Variants in HDAC9 observed in about 807,000 individuals in gnomAD.
HDAC9 encodes MEF-2 interacting transcription repressor (MITR) protein.
HDAC9 carries 41 observed loss-of-function variants against 139.4 expected under a neutral mutation model. The observed-to-expected ratio is 0.29, with a 90% CI of 0.23 to 0.38. HDAC9 has a LOEUF of 0.38. HDAC9 is among the 10% of genes least tolerant of loss of function. The pLI is 1.00. For synonymous variants in HDAC9, 517 were observed against 476.2 expected (o/e 1.09, Z -1.12); for missense variants, 1,147 against 1,297.0 (o/e 0.88, Z 1.78).
chr7:18,905,193 G>A (rs1802118590), intron 22 of HDAC9, among the ~76,000 whole-genome samples: 3 of 152,058 alleles, frequency 2.0e-5, no homozygotes, highest in Admixed American at 1.3e-4. Flanking sequence ...GCCCGGCCCA[G>A]CCTCCCCATT....
rs533733985 is a variant in HDAC9, at chr7:18,696,617, G to A, written c.1731+30141G>A. The stretch of plus-strand genomic sequence containing the variant: ...CGAGTAGCTGGGACTACAGATGCAC[G>A]TCACCACGCCCAGCTAATTGTTTTG... On this transcript the variant is annotated intron_variant, in intron 12 of 25. Transcript: ENST00000686413. Among the ~76,000 whole-genome samples, 27 of 151,870 alleles carry A rather than the reference G, an allele frequency of 1.8e-4. No homozygotes were observed. The South Asian group carries it at 4.8e-3, about 27-fold the overall frequency.
At position 18,762,059 on chromosome 7, in the gene HDAC9, T is replaced by C. The variant is rs1789437855; in HGVS notation, c.2044-98T>C. ...AGTGTCACATTCCTACATGATGAAA[T>C]TCAGCCCATTATTAATCATCTTAAA... is the stretch of plus-strand genomic sequence containing the variant. On this transcript the variant is annotated intron_variant, in intron 14 of 25. Coordinates refer to ENST00000686413, the MANE Select transcript of HDAC9 (RefSeq NM_178425.4). 6 of 1,278,112 alleles carry C rather than the reference T, an allele frequency of 4.7e-6. No homozygotes were observed. The South Asian group carries it at 7.7e-5, about 16-fold the overall frequency. 79.2% of individuals were successfully genotyped at this position (1,278,112 alleles called of 1,614,324 possible).
intron 15 of HDAC9, among the ~76,000 whole-genome samples, chr7:18,763,641 G>C (rs186948265): frequency 2.6e-5 from 4 of 152,044 alleles, no homozygotes; most frequent in Non-Finnish European, 5.9e-5. Context: ...TATAATAAAT[G>C]TTCTTATTTT....
chr7:18,802,969 A>G (rs1224391875), intron 17 of HDAC9, among the ~76,000 whole-genome samples: 1 of 151,810 alleles, frequency 6.6e-6, no homozygotes, highest in Non-Finnish European at 1.5e-5. Context: ...CAATTCACTT[A>G]TATGTGTTAT....
chr7:18,330,863 C>A (rs1184123343), intron 1 of HDAC9, among the ~76,000 whole-genome samples: 4 of 151,656 alleles, frequency 2.6e-5, no homozygotes, highest in Non-Finnish European at 4.4e-5. Flanking sequence ...GAAGAATAAT[C>A]TGAAACAAAT....
chr7:18,246,513 C>G (rs1246345030), intron 2 of HDAC9, among the ~76,000 whole-genome samples: 4 of 152,092 alleles, frequency 2.6e-5, no homozygotes, highest in Non-Finnish European at 4.4e-5. Flanking sequence ...GTCACCCCCC[C>G]ATTCCCACCT....
chr7:18,753,466 T>C (rs1368516626), intron 14 of HDAC9, among the ~76,000 whole-genome samples: 1 of 152,050 alleles, frequency 6.6e-6, no homozygotes, highest in Non-Finnish European at 1.5e-5. Flanking sequence ...TTTATTGGGG[T>C]TACTATTTGA....
At chr7:18,943,073 A>G (rs1198778983) in intron 23 of HDAC9, among the ~76,000 whole-genome samples, 1 of 152,110 alleles carries the variant, frequency 6.6e-6, no homozygotes, top group African/African-American at 2.4e-5. Context: ...TGACTGTCAA[A>G]TTTAAACTTA....
At chr7:18,928,193 C>T (rs1401386338) in intron 22 of HDAC9, among the ~76,000 whole-genome samples, 1 of 152,162 alleles carries the variant, frequency 6.6e-6, no homozygotes, top group Non-Finnish European at 1.5e-5. Flanking sequence ...AGCATTAACT[C>T]AGTTTTGGCC....
intron 1 of HDAC9, among the ~76,000 whole-genome samples, chr7:18,340,022 G>GT (rs1437873683): frequency 1.3e-5 from 2 of 151,342 alleles, no homozygotes; most frequent in African/African-American, 4.8e-5. Context: ...GGATTTGTCT[G>GT]TTTTTCCTTG....
At chr7:18,990,931 T>C (rs535399920) in intron 25 of HDAC9, among the ~76,000 whole-genome samples, 72 of 152,340 alleles carry the variant, frequency 4.7e-4, no homozygotes, top group Admixed American at 2.4e-3. Flanking sequence ...CCCACTGACC[T>C]GCGCCCACTG....
intron 1 of HDAC9, among the ~76,000 whole-genome samples, chr7:18,420,133 G>C (rs1789483777): frequency 6.6e-6 from 1 of 152,164 alleles, no homozygotes; most frequent in Middle Eastern, 3.2e-3. Context: ...TGTTTGGAAG[G>C]CCAGGCAGGA....
intron 6 of HDAC9, among the ~76,000 whole-genome samples, chr7:18,605,766 C>T (rs1292964691): frequency 5.3e-5 from 8 of 151,928 alleles, no homozygotes; most frequent in Admixed American, 1.3e-4. Flanking sequence ...CTGCAAGCTC[C>T]GCCTCCCAGG....
At chr7:18,977,136 T>C (rs1194476742) in intron 25 of HDAC9, among the ~76,000 whole-genome samples, 1 of 152,226 alleles carries the variant, frequency 6.6e-6, no homozygotes, top group Non-Finnish European at 1.5e-5. Flanking sequence ...TATATTACTC[T>C]ATTGAAAGAT....
chr7:18,491,622 C>A (rs1796374699), upstream of HDAC9, among the ~76,000 whole-genome samples: 1 of 151,964 alleles, frequency 6.6e-6, no homozygotes, highest in African/African-American at 2.4e-5. Context: ...CAAAATCTTT[C>A]TTTCATTTAT....
chr7:18,524,361 G>T (rs538346503), intron 2 of HDAC9, among the ~76,000 whole-genome samples: 36 of 152,094 alleles, frequency 2.4e-4, no homozygotes, highest in Non-Finnish European at 4.4e-4. Flanking sequence ...TTTCAGATGT[G>T]GGTTATTGCT....
intron 1 of HDAC9, among the ~76,000 whole-genome samples, chr7:18,120,798 G>A (rs898692745): frequency 6.6e-6 from 1 of 152,134 alleles, no homozygotes; most frequent in South Asian, 2.1e-4. Context: ...TTTAGTTTTT[G>A]CTTCTCTTTG....
intron 5 of HDAC9, 76 bp downstream of exon 5, chr7:18,591,718 A>T (rs1831046017): frequency 6.5e-7 from 1 of 1,534,914 alleles, no homozygotes; most frequent in Non-Finnish European, 8.8e-7. Flanking sequence ...CTGGGTACAC[A>T]TCCTTAGCCT....
At chr7:18,138,122 G>A (rs1354596988) in intron 1 of HDAC9, among the ~76,000 whole-genome samples, 10 of 152,190 alleles carry the variant, frequency 6.6e-5, no homozygotes, top group Non-Finnish European at 1.3e-4. Flanking sequence ...TGTGATGGTA[G>A]TTTGTATTTC....
Sources: gnomAD v4.1 joint callset for allele counts (sites outside exome capture counted in the v4.1 genomes callset) on GRCh38, gnomAD v4.1.1 for gene constraint, MANE v1.5 for transcripts, NCBI Gene and HGNC (gene_info 2026-07-23, HGNC 2026-07-21) for gene names.